TBL1XR1: variants seen among roughly 807,000 people sequenced by gnomAD.
TBL1XR1 encodes TBL1X/Y related 1, also known as F-box-like/WD repeat-containing protein TBL1XR1.
Under a neutral mutation model 66.9 loss-of-function variants are expected in TBL1XR1, and 5 were observed. The ratio of observed to expected loss-of-function variants is 0.07; its 90% confidence interval spans 0.04 to 0.16. The LOEUF is 0.16. Ranked by LOEUF, TBL1XR1 falls within the 10% of genes least tolerant of loss-of-function variation. The probability of loss-of-function intolerance (pLI) is 1.00; values close to 1 mark genes in which losing one functional copy is unlikely to be tolerated. For synonymous variants in TBL1XR1, 210 were observed against 206.0 expected (o/e 1.02, Z -0.17); for missense variants, 238 against 623.2 (o/e 0.38, Z 6.58).
intron 10 of TBL1XR1, chr3:177,040,998 C>G (rs146984896): frequency 6.6e-6 from 1 of 152,176 alleles, no homozygotes; most frequent in Non-Finnish European, 1.5e-5. Context: ...AAATTATTAA[C>G]ATAAATTCAC....
intron 2 of TBL1XR1, among the ~76,000 whole-genome samples, chr3:177,069,811 A>AG (rs1719712376): frequency 7.5e-6 from 1 of 132,648 alleles, no homozygotes; most frequent in African/African-American, 2.6e-5. Context: ...GAAGGAAGGA[A>AG]GGAAGGAAGG....
chr3:177,039,373 A>G (rs898458542), intron 10 of TBL1XR1, among the ~76,000 whole-genome samples: 6 of 152,176 alleles, frequency 3.9e-5, no homozygotes, highest in Non-Finnish European at 7.3e-5. Flanking sequence ...GTTATGCTGA[A>G]TAAGTATCAT....
intron 1 of TBL1XR1, among the ~76,000 whole-genome samples, chr3:177,130,771 C>T (rs1728201837): frequency 6.6e-6 from 1 of 152,136 alleles, no homozygotes; most frequent in Admixed American, 6.5e-5. Context: ...AAAGCCCAGA[C>T]TAAAACAATT....
intron 1 of TBL1XR1, among the ~76,000 whole-genome samples, chr3:177,147,748 C>T (rs1730427144): frequency 6.6e-6 from 1 of 152,200 alleles, no homozygotes; most frequent in Admixed American, 6.5e-5. Flanking sequence ...TTCTACTCAT[C>T]TTCCAGTGGC....
chr3:177,189,625 G>A (rs973516587), intron 1 of TBL1XR1, among the ~76,000 whole-genome samples: 2 of 136,476 alleles, frequency 1.5e-5, no homozygotes, highest in Non-Finnish European at 3.0e-5. Context: ...CAGCCAGTCT[G>A]GGAGACAGAG....
At chr3:177,130,487 T>C (rs1225758193) in intron 1 of TBL1XR1, among the ~76,000 whole-genome samples, 6 of 152,198 alleles carry the variant, frequency 3.9e-5, no homozygotes, top group African/African-American at 4.8e-5. Flanking sequence ...ACAACGTTTT[T>C]GGGAAATACA....
At chr3:177,071,066 T>C (rs1719936768) in intron 2 of TBL1XR1, among the ~76,000 whole-genome samples, 2 of 121,610 alleles carry the variant, frequency 1.6e-5, no homozygotes. Context: ...AGTTTTGCTC[T>C]GTTGCCCAGG....
At chr3:177,188,974 G>A (rs996169320) in intron 1 of TBL1XR1, among the ~76,000 whole-genome samples, 4 of 152,112 alleles carry the variant, frequency 2.6e-5, no homozygotes, top group African/African-American at 9.7e-5. Flanking sequence ...TGGGGAGGCC[G>A]AGGCGGGTGG....
chr3:177,182,342 G>A (rs1233184208), intron 1 of TBL1XR1, among the ~76,000 whole-genome samples: 2 of 152,160 alleles, frequency 1.3e-5, no homozygotes, highest in African/African-American at 4.8e-5. Flanking sequence ...CCATGACCGT[G>A]CCACTGCCCT....
In TBL1XR1 at chr3:177,050,511, G is replaced by A. The variant is rs1167650169; in HGVS notation, c.527C>T (p.Ala176Val). 1 of 1,613,704 alleles carries A rather than the reference G, an allele frequency of 6.2e-7. No individual in the cohort carries two copies. ...TAGGAGATCACTAACAGGGTTCCAG[G>A]CACAGATAAAAACTTCAGATTCATG... ...RGHESEVFIC[A>V]WNPVSDLLAS... is the part of the protein sequence containing the mutation. Residue 176 changes from alanine (A) to valine (V), a missense_variant, in exon 6 of 16, where the codon GCC becomes GTC. By Grantham distance (64) the Ala-to-Val change is moderately conservative. Transcript: ENST00000457928.
intron 1 of TBL1XR1, among the ~76,000 whole-genome samples, chr3:177,188,725 C>G (rs1323301576): frequency 1.3e-5 from 2 of 152,152 alleles, no homozygotes; most frequent in Non-Finnish European, 2.9e-5. Context: ...CAAACCTATT[C>G]ATTTCACATA....
intron 9 of TBL1XR1, 61 bp from the exon 10 acceptor site, chr3:177,046,250 AG>A: frequency 8.2e-7 from 1 of 1,218,892 alleles, no homozygotes. Flanking sequence ...ACATGTGTAA[AG>A]TATATGCCTA....
At chr3:177,154,763 A>G (rs1221665653) in intron 1 of TBL1XR1, among the ~76,000 whole-genome samples, 1 of 152,188 alleles carries the variant, frequency 6.6e-6, no homozygotes, top group Non-Finnish European at 1.5e-5. Context: ...GTAAATAATA[A>G]AACTAAAAAT....
intron 2 of TBL1XR1, among the ~76,000 whole-genome samples, chr3:177,067,040 T>G (rs1013316986): frequency 3.9e-5 from 6 of 152,190 alleles, no homozygotes; most frequent in Non-Finnish European, 8.8e-5. Context: ...TGTACTATAG[T>G]ACACTAGATG....
chr3:177,196,577 G>C (rs1164411280), intron 1 of TBL1XR1: 1 of 148,830 alleles, frequency 6.7e-6, no homozygotes, highest in Non-Finnish European at 1.5e-5. Context: ...CCGGGCCGGG[G>C]ACGCGCCCGG....
intron 1 of TBL1XR1, among the ~76,000 whole-genome samples, chr3:177,117,018 G>A (rs955770466): frequency 1.3e-5 from 2 of 152,044 alleles, no homozygotes; most frequent in African/African-American, 4.8e-5. Flanking sequence ...AACATGACCC[G>A]GTTTCTAAAC....
At chr3:177,087,029 T>C (rs549188589) in intron 2 of TBL1XR1, 1 of 145,912 alleles carries the variant, frequency 6.9e-6, no homozygotes, top group South Asian at 2.3e-4. Context: ...TGAGGAGAAG[T>C]TGGTTTTGCT....
chr3:177,063,454 T>G (rs889212720), intron 3 of TBL1XR1, among the ~76,000 whole-genome samples: 1 of 152,182 alleles, frequency 6.6e-6, no homozygotes, highest in Non-Finnish European at 1.5e-5. Flanking sequence ...TTTGCTCCAG[T>G]GTCCAAAAGT....
chr3:177,173,245 A>AT (rs1733773877), intron 1 of TBL1XR1, among the ~76,000 whole-genome samples: 1 of 152,182 alleles, frequency 6.6e-6, no homozygotes, highest in Non-Finnish European at 1.5e-5. Flanking sequence ...TGATTTTAAC[A>AT]TATGTCCACA....
Sources: gnomAD v4.1 joint callset for allele counts (sites outside exome capture counted in the v4.1 genomes callset) on GRCh38, gnomAD v4.1.1 for gene constraint, MANE v1.5 for transcripts, NCBI Gene and HGNC (gene_info 2026-07-23, HGNC 2026-07-21) for gene names.